The following EYA1 variants were observed in gnomAD, a reference collection of about 807,000 sequenced individuals.
The protein encoded by EYA1 is protein phosphatase EYA1.
Under a neutral mutation model 82.0 loss-of-function variants are expected in EYA1, and 16 were observed. The ratio of observed to expected loss-of-function variants is 0.20; its 90% CI spans 0.13 to 0.30. EYA1 has a LOEUF of 0.30. Among genes scored for constraint, EYA1 ranks in the 10% least tolerant of loss-of-function variants. EYA1 has a pLI of 1.00. For missense variants in EYA1, 633 were observed against 730.7 expected (o/e 0.87, Z 1.54); for synonymous variants, 261 against 264.4 (o/e 0.99, Z 0.12).
intron 2 of EYA1, among the ~76,000 whole-genome samples, chr8:71,391,184 T>C (rs1349942034): frequency 6.6e-6 from 1 of 152,158 alleles, no homozygotes; most frequent in Non-Finnish European, 1.5e-5. Flanking sequence ...GGTTTTGCCA[T>C]GTTGGCCAGG....
intron 2 of EYA1, among the ~76,000 whole-genome samples, chr8:71,439,656 T>C (rs1329841384): frequency 2.6e-5 from 4 of 152,216 alleles, no homozygotes; most frequent in Non-Finnish European, 2.9e-5. Context: ...AATAGAGTTG[T>C]AAAGCTTAAT....
intron 2 of EYA1, among the ~76,000 whole-genome samples, chr8:71,465,369 T>A (rs539276328): frequency 1.2e-4 from 18 of 152,268 alleles, no homozygotes; most frequent in Admixed American, 1.2e-3. Context: ...ACACCTATAA[T>A]CCCAGCACTT....
At chr8:71,228,299 A>G (rs1432453402) in intron 12 of EYA1, among the ~76,000 whole-genome samples, 1 of 152,170 alleles carries the variant, frequency 6.6e-6, no homozygotes, top group Non-Finnish European at 1.5e-5. Flanking sequence ...TTTGTAAGAC[A>G]AAGACTTCAG....
At position 71,346,450 on chromosome 8, in the gene EYA1, ATATATC is replaced by A. The variant is rs796527573; in HGVS notation, c.124+8326_124+8331del. ...GCAGTGAATATATATATATATATATATATATCTATATATATCCTTCTCCCTGCAGTT... is the reference window on the plus strand; with the variant it reads ...GCAGTGAATATATATATATATATATATATATATATCCTTCTCCCTGCAGTT... On this transcript the variant is annotated intron_variant, in intron 3 of 17. Transcript: ENST00000340726. Among the ~76,000 whole-genome samples, 357 of 134,796 alleles carry A rather than the reference ATATATC, an allele frequency of 2.6e-3. 9 individuals are homozygous for A. In the South Asian group the frequency reaches 0.029, roughly 11 times the overall value. The allele number at this position is 134,796 out of a possible 152,430, so 88.4% of individuals were successfully genotyped here.
At chr8:71,457,849 G>A (rs966179910) in intron 2 of EYA1, among the ~76,000 whole-genome samples, 34 of 152,048 alleles carry the variant, frequency 2.2e-4, no homozygotes, top group African/African-American at 7.7e-4. Context: ...AAACCTGCAC[G>A]TTATGCACAT....
Position 71,361,931 on chromosome 8 carries a change from G to A in EYA1, c.-339C>T. The stretch of plus-strand genomic sequence containing the variant: ...CGCCACAGTGGACGGCAACAGGAAG[G>A]CTTAAAGTCGGAAGTGGCACTGGAG... On this transcript the variant is annotated 5_prime_UTR_variant, in exon 1 of 18. Transcript: ENST00000340726. 1.0e-6 allele frequency: 1 copy of A among 985,470 alleles called. No homozygotes were observed. The highest frequency in any genetic ancestry group is 1.2e-6 in the Non-Finnish European group (1 of 829,956). 61.0% of individuals were successfully genotyped at this position (985,470 alleles called of 1,614,324 possible).
At chr8:71,516,915 C>T (rs1813015476) in intron 2 of EYA1, among the ~76,000 whole-genome samples, 1 of 152,030 alleles carries the variant, frequency 6.6e-6, no homozygotes, top group Non-Finnish European at 1.5e-5. Flanking sequence ...ATCTGGATTC[C>T]ACCCTTCACT....
At chr8:71,458,073 T>C (rs1441288089) in intron 2 of EYA1, among the ~76,000 whole-genome samples, 3 of 152,138 alleles carry the variant, frequency 2.0e-5, no homozygotes, top group African/African-American at 7.2e-5. Flanking sequence ...TTGAATATCT[T>C]TATATTTTAC....
At chr8:71,286,740 T>C (rs998425709) in intron 9 of EYA1, among the ~76,000 whole-genome samples, 9 of 151,638 alleles carry the variant, frequency 5.9e-5, no homozygotes, top group Non-Finnish European at 7.4e-5. Flanking sequence ...AAGTTATGGG[T>C]CATCAAACCT....
chr8:71,451,934 G>A (rs953404891), intron 2 of EYA1, among the ~76,000 whole-genome samples: 12 of 152,278 alleles, frequency 7.9e-5, no homozygotes, highest in African/African-American at 2.9e-4. Context: ...AGGACTGTGG[G>A]TGCAGCCCAC....
At chr8:71,484,392 AG>A (rs1810403460) in intron 2 of EYA1, among the ~76,000 whole-genome samples, 1 of 152,224 alleles carries the variant, frequency 6.6e-6, no homozygotes, top group African/African-American at 2.4e-5. Flanking sequence ...CTAAAGTGGC[AG>A]GCAAAGGTTA....
intron 2 of EYA1, among the ~76,000 whole-genome samples, chr8:71,396,632 T>C (rs1306252014): frequency 1.3e-5 from 2 of 152,226 alleles, no homozygotes; most frequent in Non-Finnish European, 2.9e-5. Context: ...GAGTTCTAGT[T>C]TGATTGCACT....
At chr8:71,239,447 G>A (rs1263487719) in intron 12 of EYA1, among the ~76,000 whole-genome samples, 1 of 152,150 alleles carries the variant, frequency 6.6e-6, no homozygotes, top group East Asian at 1.9e-4. Context: ...CCATTTCATG[G>A]TCAACATATA....
chr8:71,512,393 C>T (rs1812669031), intron 2 of EYA1, among the ~76,000 whole-genome samples: 1 of 150,582 alleles, frequency 6.6e-6, no homozygotes, highest in African/African-American at 2.4e-5. Context: ...TACATGATTT[C>T]TTAAAAGAAA....
chr8:71,402,996 G>C (rs906594458), intron 2 of EYA1, among the ~76,000 whole-genome samples: 2 of 152,194 alleles, frequency 1.3e-5, no homozygotes, highest in South Asian at 2.1e-4. Context: ...AGAAAACTAG[G>C]ATATCATTTG....
intron 2 of EYA1, among the ~76,000 whole-genome samples, chr8:71,532,263 C>T (rs1165165827): frequency 6.6e-6 from 1 of 152,116 alleles, no homozygotes; most frequent in Non-Finnish European, 1.5e-5. Flanking sequence ...GCACTGCCAC[C>T]CTCCCATCCA....
chr8:71,533,126 C>T (rs1264688367), intron 2 of EYA1, among the ~76,000 whole-genome samples: 1 of 152,130 alleles, frequency 6.6e-6, no homozygotes, highest in East Asian at 1.9e-4. Context: ...AGGATGAGTA[C>T]TGGGGAAGTA....
At chr8:71,437,267 A>T (rs1476194092) in intron 2 of EYA1, among the ~76,000 whole-genome samples, 1 of 151,916 alleles carries the variant, frequency 6.6e-6, no homozygotes, top group African/African-American at 2.4e-5. Context: ...TCTTGGCACA[A>T]TTTTTAAAAA....
chr8:71,334,975 C>G (rs936117189), intron 3 of EYA1, among the ~76,000 whole-genome samples: 2 of 152,174 alleles, frequency 1.3e-5, no homozygotes, highest in Non-Finnish European at 2.9e-5. Flanking sequence ...ACCAAAGAGG[C>G]AAGCCAACAA....
Sources: allele counts gnomAD v4.1 joint callset (sites outside exome capture counted in the v4.1 genomes callset), GRCh38; gene constraint gnomAD v4.1.1; transcripts MANE v1.5; gene names NCBI Gene and HGNC (gene_info 2026-07-23, HGNC 2026-07-21).